The following CHSY3 variants were observed in gnomAD, a reference collection of about 807,000 sequenced individuals.
CHSY3 encodes the protein N-acetylgalactosaminyl-proteoglycan 3-beta-glucuronosyltransferase 3.
In CHSY3, 35 loss-of-function variants were observed where a neutral mutation model predicts 67.2. That is an observed-to-expected ratio of 0.52 (90% CI 0.40 to 0.69). The LOEUF is 0.69. CHSY3 is among the 30% of genes least tolerant of loss of function. CHSY3 has a pLI of 0.00. For synonymous variants in CHSY3, 474 were observed against 434.7 expected, an observed-to-expected ratio of 1.09 and a Z score of -1.12; for missense variants, 1,069 against 1,138.5, an observed-to-expected ratio of 0.94 and a Z score of 0.88.
chr5:129,917,741 G>C (rs1177876113), intron 2 of CHSY3, among the ~76,000 whole-genome samples: 2 of 152,174 alleles, frequency 1.3e-5, no homozygotes, highest in Non-Finnish European at 2.9e-5. Context: ...TGCTGTAATA[G>C]GGAAGGTGTT....
chr5:130,166,506 A>G (rs1324077237), intron 2 of CHSY3, among the ~76,000 whole-genome samples: 1 of 152,154 alleles, frequency 6.6e-6, no homozygotes, highest in African/African-American at 2.4e-5. Flanking sequence ...AAGTGACTCA[A>G]GTCCTTGTAT....
chr5:129,930,288 T>C (rs2149588119), intron 2 of CHSY3, among the ~76,000 whole-genome samples: 1 of 146,890 alleles, frequency 6.8e-6, no homozygotes, highest in South Asian at 2.2e-4. Flanking sequence ...AGACAAGGTC[T>C]CGCCACCGCA....
At chr5:130,180,804 C>G in intron 2 of CHSY3, among the ~76,000 whole-genome samples, 1 of 152,158 alleles carries the variant, frequency 6.6e-6, no homozygotes. Flanking sequence ...GAGCAGAGAT[C>G]AGGCCACTGC....
chr5:130,088,564 C>T (rs1766755357), intron 2 of CHSY3, among the ~76,000 whole-genome samples: 1 of 152,050 alleles, frequency 6.6e-6, no homozygotes, highest in Admixed American at 6.6e-5. Context: ...GGGCGAAGGA[C>T]ATGAACAGAC....
Position 129,904,895 on chromosome 5 carries a change from C to G in CHSY3, c.66C>G (p.Ala22=). ...VALGLVLGFT[A]ASWLIAPRVA... is the part of the protein sequence containing the mutation. ...TAGGGCTGGTGCTGGGCTTCACCGC[C>G]GCGTCCTGGCTCATCGCCCCCAGGG... The change falls in exon 1 of 3, where the codon GCC becomes GCG. Residue 22 remains alanine, a synonymous_variant. Transcript: ENST00000305031. 1 of 1,525,668 alleles carries G rather than the reference C, an allele frequency of 6.6e-7. No individual in the cohort carries two copies. Among genetic ancestry groups the G allele is most frequent in the Non-Finnish European group, 8.8e-7 (1 of 1,137,376 alleles). The allele number at this position is 1,525,668 out of a possible 1,614,324, so 94.5% of individuals were successfully genotyped here. A position where few individuals can be genotyped will look rare whatever the true frequency, so the allele number is the denominator to read the frequency against.
At chr5:130,161,710 T>A (rs2149728486) in intron 2 of CHSY3, among the ~76,000 whole-genome samples, 1 of 152,200 alleles carries the variant, frequency 6.6e-6, no homozygotes, top group East Asian at 1.9e-4. Context: ...TATCACTACT[T>A]TAATGTTTGA....
At chr5:130,021,220 A>T (rs1432623249) in intron 2 of CHSY3, among the ~76,000 whole-genome samples, 1 of 152,192 alleles carries the variant, frequency 6.6e-6, no homozygotes, top group African/African-American at 2.4e-5. Context: ...TTATTTACAA[A>T]GTCTTAGCTA....
chr5:130,004,478 T>G (rs973868332), intron 2 of CHSY3, among the ~76,000 whole-genome samples: 1 of 152,164 alleles, frequency 6.6e-6, no homozygotes, highest in African/African-American at 2.4e-5. Flanking sequence ...GTAAAAAGTA[T>G]GTAAATGCAT....
intron 2 of CHSY3, among the ~76,000 whole-genome samples, chr5:130,053,840 G>A (rs74496308): frequency 8.5e-4 from 129 of 152,084 alleles, no homozygotes; most frequent in African/African-American, 2.6e-3. Flanking sequence ...TGTATTTTTC[G>A]TTATCTTAAT....
rs1390574055 is a variant in CHSY3, at chr5:129,904,997, C to T, written c.168C>T (p.Arg56=). 2 of 1,566,962 alleles carry T rather than the reference C, an allele frequency of 1.3e-6. No homozygotes were observed. Among genetic ancestry groups the T allele is most frequent in the Non-Finnish European group, 1.7e-6 (2 of 1,162,810 alleles). The change falls in exon 1 of 3, where the codon CGC becomes CGT. Residue 56 remains arginine, a synonymous_variant. Transcript: ENST00000305031. ...ACGGTCGCTCTGCTGCTGGCCCCCG[C>T]GCCGGCGCTCAGCAGCCGCTCCCCC... ...SYYGRSAAGP[R]AGAQQPLPQP...
intron 2 of CHSY3, among the ~76,000 whole-genome samples, chr5:130,032,147 T>A (rs1285593362): frequency 6.6e-6 from 1 of 152,216 alleles, no homozygotes; most frequent in African/African-American, 2.4e-5. Context: ...GTTTGGAATG[T>A]ATCTGTTGCA....
intron 2 of CHSY3, among the ~76,000 whole-genome samples, chr5:129,989,303 C>T (rs896530866): frequency 6.9e-6 from 1 of 144,900 alleles, no homozygotes; most frequent in African/African-American, 2.6e-5. Context: ...CTCTTGTTGC[C>T]CAGGCTGGAG....
chr5:129,986,987 G>A (rs556693101), intron 2 of CHSY3, among the ~76,000 whole-genome samples: 35 of 152,104 alleles, frequency 2.3e-4, no homozygotes, highest in Admixed American at 4.6e-4. Context: ...AAAACAAATT[G>A]AACAAAGTTG....
rs114335707 is a variant in CHSY3 at position 130,164,611 on chromosome 5, T to A, written c.1087-19618T>A. Among the ~76,000 whole-genome samples the A allele has an allele frequency of 9.9e-3, 1,501 of 152,204 alleles. 29 individuals carry two copies. The highest frequency in any genetic ancestry group is 0.034 in the African/African-American group (1,427 of 41,538). On this transcript the variant is annotated intron_variant, in intron 2 of 2. Transcript: ENST00000305031. ...CATAAGACTCCATCTTTTCTGAAAATCTAGAATCCATTCATAGGCATGTGA... is the reference window on the plus strand; with the variant it reads ...CATAAGACTCCATCTTTTCTGAAAAACTAGAATCCATTCATAGGCATGTGA...
At chr5:130,087,068 C>T (rs1226768579) in intron 2 of CHSY3, among the ~76,000 whole-genome samples, 3 of 151,988 alleles carry the variant, frequency 2.0e-5, no homozygotes, top group African/African-American at 7.3e-5. Flanking sequence ...TCAATATATG[C>T]AAATCAATAA....
chr5:130,110,405 A>ACAGG (rs1767554936), intron 2 of CHSY3, among the ~76,000 whole-genome samples: 1 of 151,978 alleles, frequency 6.6e-6, no homozygotes, highest in Admixed American at 6.6e-5. Flanking sequence ...ATAATAACAC[A>ACAGG]CAGGCAGAGG....
intron 2 of CHSY3, among the ~76,000 whole-genome samples, chr5:130,173,572 A>G (rs1769958249): frequency 6.6e-6 from 1 of 152,186 alleles, no homozygotes; most frequent in South Asian, 2.1e-4. Flanking sequence ...CAGAGTTTAT[A>G]GATCAGATGT....
intron 2 of CHSY3, among the ~76,000 whole-genome samples, chr5:129,916,424 C>T (rs1276813427): frequency 6.6e-6 from 1 of 152,106 alleles, no homozygotes; most frequent in Non-Finnish European, 1.5e-5. Context: ...GAAATGTGGT[C>T]ACCTAGCTAC....
chr5:130,174,433 G>A (rs249604), intron 2 of CHSY3, among the ~76,000 whole-genome samples: 143,574 of 152,158 alleles, frequency 0.94, 67,849 homozygotes, highest in East Asian at 1. Flanking sequence ...CTTTACCCAT[G>A]ATAGTATGGC....
Sources: gnomAD v4.1 joint callset for allele counts (sites outside exome capture counted in the v4.1 genomes callset) on GRCh38, gnomAD v4.1.1 for gene constraint, MANE v1.5 for transcripts, NCBI Gene and HGNC (gene_info 2026-07-23, HGNC 2026-07-21) for gene names.